Variants in LRRC66 observed in about 807,000 individuals in gnomAD.
LRRC66 encodes the protein leucine rich repeat containing 66.
Under a neutral mutation model 24.6 loss-of-function variants are expected in LRRC66, and 29 were observed. That is an observed-to-expected ratio of 1.18 (90% CI 0.88 to 1.61). The LOEUF (loss-of-function observed/expected upper bound fraction) is 1.61, where lower values mean the gene tolerates loss of function less well. Ranked by LOEUF, LRRC66 falls within the 40% of genes most tolerant of loss-of-function variation. The pLI is 0.00. For missense variants in LRRC66, 1,124 were observed against 1,058.0 expected (o/e 1.06, Z -0.87); for synonymous variants, 411 against 397.6 (o/e 1.03, Z -0.40).
intron 2 of LRRC66, among the ~76,000 whole-genome samples, chr4:52,007,184 T>C (rs1736607905): frequency 6.6e-6 from 1 of 151,988 alleles, no homozygotes; most frequent in African/African-American, 2.4e-5. Context: ...ATCTGTGACT[T>C]TTTGTTTTGT....
intron 3 of LRRC66, among the ~76,000 whole-genome samples, chr4:52,001,695 G>C (rs1011525106): frequency 2.0e-5 from 3 of 152,208 alleles, no homozygotes; most frequent in Admixed American, 2.0e-4. Context: ...AAGTGGCCGA[G>C]GCTAGGTTTA....
rs752127844 is a variant in LRRC66 at position 51,995,855 on chromosome 4, G to A, written c.1167C>T (p.Val389=). 10 of 1,614,020 alleles carry A rather than the reference G, an allele frequency of 6.2e-6. No individual in the cohort carries two copies. The South Asian group carries it at 1.1e-4, about 18-fold the overall frequency. ...VCLSVFITFL[V]AFSLGAFTRP... is the part of the protein sequence containing the mutation. ...TTGTGAAAGCCCCCAGGCTGAAGGC[G>A]ACAAGGAATGTGATGAACACTGACA... is the stretch of plus-strand genomic sequence containing the variant. Residue 389 remains valine (V), a synonymous_variant, in exon 5 of 5, where the codon GTC becomes GTT. Coordinates refer to ENST00000682860, the MANE Select transcript of LRRC66 (RefSeq NM_001024611.3).
chr4:52,018,672 C>G lies in LRRC66; in HGVS notation c.-5-1054G>C, dbSNP rs1046991148. On this transcript the variant is annotated intron_variant, in intron 1 of 4. Coordinates refer to ENST00000682860, the MANE Select transcript of LRRC66 (RefSeq NM_001024611.3). ...CCTATATTATTCCTTCATTTGAAAT[C>G]CTCAAAGGGCTCCTTATTGCCTATA... The G allele has an allele frequency of 4.6e-6, 4 of 862,098 alleles. No homozygotes were observed. The Admixed American group carries it at 1.9e-4, about 40-fold the overall frequency. 53.4% of individuals were successfully genotyped at this position (862,098 alleles called of 1,614,324 possible). A position where few individuals can be genotyped will look rare whatever the true frequency, so the allele number is the denominator to read the frequency against.
chr4:52,020,089 G>T lies in LRRC66; in HGVS notation c.-6+215C>A, dbSNP rs181296519. ...AAATGGAAATAGTCAAGCTGAAGTA[G>T]GAGGAAGCAGTTAGAAATACTGGGT... On this transcript the variant is annotated intron_variant, in intron 1 of 4. Transcript: ENST00000682860. Among the ~76,000 whole-genome samples the T allele has an allele frequency of 7.9e-5, 12 of 152,198 alleles. No individual in the cohort carries two copies. The East Asian group carries it at 2.3e-3, about 29-fold the overall frequency.
rs1192010353 is a variant in LRRC66 at position 52,015,118 on chromosome 4, G to C, written c.496+2000C>G. On this transcript the variant is annotated intron_variant, in intron 2 of 4. Transcript: ENST00000682860. ...GCACTTCCTATTTACTCTTGTGGTGGGGTAATATTTTGACATGTTAATCTC... is the reference window on the plus strand; with the variant it reads ...GCACTTCCTATTTACTCTTGTGGTGCGGTAATATTTTGACATGTTAATCTC... 4.6e-5 allele frequency among the ~76,000 whole-genome samples: 7 copies of C among 152,062 alleles called. No homozygotes were observed. In the East Asian group the frequency reaches 1.4e-3, roughly 29 times the overall value.
rs756929880 is a variant in LRRC66, at chr4:51,994,527, G to T, written c.2495C>A (p.Ser832Tyr). The T allele has an allele frequency of 6.2e-7, 1 of 1,614,090 alleles. No individual in the cohort carries two copies. Among genetic ancestry groups the T allele is most frequent in the Admixed American group, 1.7e-5 (1 of 60,014 alleles). The change falls in exon 5 of 5, where the codon TCC (serine) becomes TAC (tyrosine). Residue 832 changes from serine to tyrosine, a missense_variant. Ser to Tyr is a moderately radical substitution (Grantham distance 144, BLOSUM62 -2). Coordinates refer to ENST00000682860, the MANE Select transcript of LRRC66 (RefSeq NM_001024611.3). ...TGAGCAATGCCATTCTGCTGCCTTG[G>T]ATTGAAGAGCTGTGTCATAATCATA... The part of the protein sequence containing the change: ...FTYDYDTALQ[S>Y]KAAEWHCSLR...
intron 4 of LRRC66, 83 bp downstream of exon 4, chr4:51,997,665 G>A (rs1305442052): frequency 1.5e-6 from 2 of 1,292,340 alleles, no homozygotes; most frequent in Admixed American, 1.8e-5. Context: ...CATGGGGACT[G>A]TCATTATTTC....
Position 51,994,829 on chromosome 4 carries a change from A to T in LRRC66, c.2193T>A (p.Asp731Glu). ...AGCTCTCGTCCTGCAGGGACTCCTC[A>T]TCAGGCACTGCCTCTTCAGTCTTGC... ...ARSKTEEAVP[D>E]EESLQDESSG... The change falls in exon 5 of 5, where the codon GAT (aspartate) becomes GAA (glutamate). Residue 731 changes from aspartate (D) to glutamate (E), a missense_variant. By Grantham distance (45) the Asp-to-Glu change is conservative. Coordinates refer to ENST00000682860, the MANE Select transcript of LRRC66 (RefSeq NM_001024611.3). 6.2e-7 allele frequency: 1 copy of T among 1,614,212 alleles called. No homozygotes were observed. Among genetic ancestry groups the T allele is most frequent in the Non-Finnish European group, 8.5e-7 (1 of 1,180,040 alleles).
chr4:52,006,864 A>T (rs1479657116), intron 2 of LRRC66, among the ~76,000 whole-genome samples: 1 of 152,146 alleles, frequency 6.6e-6, no homozygotes, highest in African/African-American at 2.4e-5. Flanking sequence ...TGAGGAGTTA[A>T]CAACATTTTA....
rs548062810 is a variant in LRRC66, at chr4:51,995,622, G to C, written c.1400C>G (p.Ala467Gly). 8 of 1,614,068 alleles carry C rather than the reference G, an allele frequency of 5.0e-6. No homozygotes were observed. The Admixed American group carries it at 1.2e-4, about 24-fold the overall frequency. ...PFWVTQPHPH[A>G]TVIPDRTLGR... ...CAGAGTTCTATCAGGAATTACGGTG[G>C]CGTGTGGGTGTGGCTGTGTCACCCA... Residue 467 changes from alanine to glycine, a missense_variant, in exon 5 of 5, where the codon GCC (alanine) becomes GGC (glycine). Physicochemically the swap from Ala to Gly is moderately conservative, Grantham distance 60. Transcript: ENST00000682860.
chr4:52,017,117 C>T lies in LRRC66; in HGVS notation c.496+1G>A, dbSNP rs766384691. 24 of 1,611,672 alleles carry T rather than the reference C, an allele frequency of 1.5e-5. No homozygotes were observed. In the South Asian group the frequency reaches 1.9e-4, roughly 13 times the overall value. ...CTCTGCCTAGTTAAAATTGTACTCA[C>T]CCTTGGGAGTGTCACTGAGTTTATT... is the stretch of plus-strand genomic sequence containing the variant. On this transcript the variant is annotated splice_donor_variant, in intron 2 of 4. Transcript: ENST00000682860. LOFTEE classifies it high-confidence loss of function.
chr4:51,995,149 G>A lies in LRRC66; in HGVS notation c.1873C>T (p.Gln625Ter), dbSNP rs1227849278. 1 of 1,614,230 alleles carries A rather than the reference G, an allele frequency of 6.2e-7. No homozygotes were observed. The highest frequency in any genetic ancestry group is 2.2e-5 in the East Asian group (1 of 44,886). The change falls in exon 5 of 5, where the codon CAA (glutamine) becomes TAA (stop). Residue 625 changes from glutamine to a stop codon, truncating the protein, a stop_gained. Transcript: ENST00000682860. LOFTEE classifies it low-confidence loss of function (END_TRUNC). ...DSQMEFSKER[Q>*]VSSSIDLLSI... ...AGCAAATCAATGGATGAACTCACTT[G>A]CCTTTCCTTAGAAAATTCCATCTGC...
At chr4:51,997,509 A>T (rs532900379) in intron 4 of LRRC66, among the ~76,000 whole-genome samples, 2 of 152,186 alleles carry the variant, frequency 1.3e-5, no homozygotes, top group Non-Finnish European at 2.9e-5. Flanking sequence ...ACCAAATCCA[A>T]TTGATGCTGA....
At chr4:52,015,705 A>G (rs1736793340) in intron 2 of LRRC66, among the ~76,000 whole-genome samples, 1 of 152,228 alleles carries the variant, frequency 6.6e-6, no homozygotes, top group Non-Finnish European at 1.5e-5. Context: ...TTATATGGAT[A>G]TATGTAGCTA....
intron 3 of LRRC66, among the ~76,000 whole-genome samples, chr4:51,999,185 T>C (rs1395240600): frequency 6.6e-6 from 1 of 152,070 alleles, no homozygotes; most frequent in African/African-American, 2.4e-5. Flanking sequence ...ATCATAAAGA[T>C]GAAAATACAG....
In LRRC66 at chr4:51,994,238, C is replaced by G; in HGVS notation, c.*141G>C. ...TCGCCCTCAAGTGGGCCCACAAAAC[C>G]CTCATTTGCATCAGTGTCCACTTGG... On this transcript the variant is annotated 3_prime_UTR_variant, in exon 5 of 5. Transcript: ENST00000682860. 1.3e-6 allele frequency: 1 copy of G among 792,522 alleles called. No homozygotes were observed. The highest frequency in any genetic ancestry group is 1.9e-6 in the Non-Finnish European group (1 of 514,228). 49.1% of individuals were successfully genotyped at this position (792,522 alleles called of 1,614,324 possible).
intron 3 of LRRC66, among the ~76,000 whole-genome samples, chr4:52,001,671 A>G (rs1311016873): frequency 1.3e-5 from 2 of 152,204 alleles, no homozygotes; most frequent in Non-Finnish European, 2.9e-5. Context: ...CTTGCCTAAG[A>G]TAGTGTGGCT....
In LRRC66 at chr4:51,994,406, A is replaced by G. The variant is rs371575450; in HGVS notation, c.2616T>C (p.His872=). Residue 872 remains histidine (H), a synonymous_variant, in exon 5 of 5, where the codon CAT becomes CAC. Transcript: ENST00000682860. ...VPSDPDKAAF[H]ERDSDILK ...ATTTTAAAATGTCTGAGTCTCTTTC[A>G]TGGAAGGCAGCCTTATCAGGATCTG... is the stretch of plus-strand genomic sequence containing the variant. The G allele has an allele frequency of 3.7e-6, 6 of 1,612,150 alleles. No homozygotes were observed. The African/African-American group carries it at 6.7e-5, about 18-fold the overall frequency.
chr4:52,001,699 AGGTTTAAGCCCAGGCAG>A (rs2110195279), intron 3 of LRRC66, among the ~76,000 whole-genome samples: 1 of 152,308 alleles, frequency 6.6e-6, no homozygotes, highest in Non-Finnish European at 1.5e-5. Flanking sequence ...GGCCGAGGCT[AGGTTTAAGCCCAGGCAG>A]CTGGCTCAAG....
Sources: allele counts gnomAD v4.1 joint callset (sites outside exome capture counted in the v4.1 genomes callset), GRCh38; gene constraint gnomAD v4.1.1; transcripts MANE v1.5; gene names NCBI Gene and HGNC (gene_info 2026-07-23, HGNC 2026-07-21).